The following LSAMP variants were observed in gnomAD, a reference collection of about 807,000 sequenced individuals.
The protein encoded by LSAMP is limbic system associated membrane protein, also known as limbic system-associated membrane protein.
LSAMP carries 7 observed loss-of-function variants against 38.6 expected under a neutral mutation model. That is an observed-to-expected ratio of 0.18 (90% CI 0.10 to 0.34). The LOEUF (loss-of-function observed/expected upper bound fraction) is 0.34. Among genes scored for constraint, LSAMP ranks in the 10% least tolerant of loss-of-function variants. The pLI, the probability that LSAMP is intolerant of heterozygous loss-of-function variation, is 1.00. For missense variants in LSAMP, 313 were observed against 420.0 expected, an observed-to-expected ratio of 0.75 and a Z score of 2.23; for synonymous variants, 154 against 166.8, an observed-to-expected ratio of 0.92 and a Z score of 0.59.
chr3:116,283,566 C>T (rs890715763), intron 1 of LSAMP, among the ~76,000 whole-genome samples: 1 of 152,080 alleles, frequency 6.6e-6, no homozygotes, highest in Non-Finnish European at 1.5e-5. Context: ...TTAGGGCTAG[C>T]TTTGTATTAT....
intron 1 of LSAMP, among the ~76,000 whole-genome samples, chr3:116,435,635 T>G (rs1396192832): frequency 1.3e-5 from 2 of 152,146 alleles, no homozygotes; most frequent in South Asian, 4.1e-4. Context: ...CAGAGCTGGA[T>G]CTATACCCAG....
At chr3:116,431,421 A>C (rs2049280184) in intron 1 of LSAMP, among the ~76,000 whole-genome samples, 1 of 152,022 alleles carries the variant, frequency 6.6e-6, no homozygotes, top group East Asian at 1.9e-4. Flanking sequence ...TTCTTTTCAA[A>C]ATCTATTTAA....
chr3:116,237,805 A>G (rs2046485004), intron 1 of LSAMP, among the ~76,000 whole-genome samples: 3 of 152,198 alleles, frequency 2.0e-5, no homozygotes, highest in Admixed American at 1.3e-4. Flanking sequence ...TAATTCAACA[A>G]CACATTAACT....
chr3:116,414,124 C>T (rs957271720), intron 1 of LSAMP, among the ~76,000 whole-genome samples: 2 of 152,030 alleles, frequency 1.3e-5, no homozygotes, highest in Non-Finnish European at 2.9e-5. Context: ...TGTACACTGT[C>T]AGATCATTAC....
intron 1 of LSAMP, among the ~76,000 whole-genome samples, chr3:116,327,575 A>C (rs2107736967): frequency 1.3e-5 from 2 of 151,958 alleles, no homozygotes; most frequent in Admixed American, 1.3e-4. Context: ...TCACTATATA[A>C]CCTTATTTTC....
Position 116,445,329 on chromosome 3 carries a change from A to G in LSAMP, c.-298T>C, listed in dbSNP as rs970660482. ...GAAGAGCTGAAGAGGAAGCCAAAGG[A>G]AAGGGTTCTTGTTTGGTCTCTCTGT... On this transcript the variant is annotated 5_prime_UTR_variant, in exon 1 of 7. Coordinates refer to ENST00000490035, the MANE Select transcript of LSAMP (RefSeq NM_002338.5). 11 of 563,590 alleles carry G rather than the reference A, an allele frequency of 2.0e-5. No individual in the cohort carries two copies. The East Asian group carries it at 3.2e-4, about 17-fold the overall frequency. 34.9% of individuals were successfully genotyped at this position (563,590 alleles called of 1,614,324 possible).
intron 1 of LSAMP, among the ~76,000 whole-genome samples, chr3:116,184,066 C>T (rs1160729619): frequency 6.6e-6 from 1 of 151,592 alleles, no homozygotes; most frequent in Non-Finnish European, 1.5e-5. Context: ...AAGTTGAACT[C>T]GAGAGAACAG....
intron 1 of LSAMP, among the ~76,000 whole-genome samples, chr3:116,387,455 A>G (rs2048639746): frequency 1.3e-5 from 2 of 152,210 alleles, no homozygotes; most frequent in African/African-American, 4.8e-5. Flanking sequence ...GAGTTTAAGC[A>G]TTCCAGAACC....
At chr3:115,950,657 G>C (rs1185026627) in intron 3 of LSAMP, among the ~76,000 whole-genome samples, 1 of 151,860 alleles carries the variant, frequency 6.6e-6, no homozygotes, top group Non-Finnish European at 1.5e-5. Flanking sequence ...TTGTGAAAAT[G>C]ACCATACTGC....
At chr3:116,115,335 G>T (rs1231868412) in intron 1 of LSAMP, among the ~76,000 whole-genome samples, 3 of 152,176 alleles carry the variant, frequency 2.0e-5, no homozygotes, top group Non-Finnish European at 2.9e-5. Flanking sequence ...ATGTAATGTA[G>T]GTACCCTAAT....
chr3:115,898,059 G>C (rs1936773528), intron 3 of LSAMP, among the ~76,000 whole-genome samples: 1 of 152,126 alleles, frequency 6.6e-6, no homozygotes, highest in Non-Finnish European at 1.5e-5. Context: ...GCTAGGATAA[G>C]CTCAAGAAAG....
intron 2 of LSAMP, among the ~76,000 whole-genome samples, chr3:116,043,785 T>G (rs1218509802): frequency 2.0e-5 from 3 of 151,970 alleles, no homozygotes; most frequent in Non-Finnish European, 2.9e-5. Context: ...CTCTACTAAA[T>G]ATACAAAAAA....
intron 3 of LSAMP, among the ~76,000 whole-genome samples, chr3:115,964,988 T>C (rs1938751110): frequency 6.6e-6 from 1 of 152,118 alleles, no homozygotes; most frequent in Non-Finnish European, 1.5e-5. Context: ...ATTTAATGTG[T>C]GACCTTTTAA....
intron 1 of LSAMP, among the ~76,000 whole-genome samples, chr3:116,215,229 G>A (rs1265839467): frequency 6.6e-6 from 1 of 152,152 alleles, no homozygotes; most frequent in Non-Finnish European, 1.5e-5. Flanking sequence ...ACTGTGAGAT[G>A]CTCTTCAATA....
chr3:116,294,298 T>A (rs960542703), intron 1 of LSAMP, among the ~76,000 whole-genome samples: 1 of 152,168 alleles, frequency 6.6e-6, no homozygotes, highest in Non-Finnish European at 1.5e-5. Context: ...GTTTGGAAAA[T>A]AATATTTCTA....
At chr3:116,110,477 G>C (rs1016783870) in intron 1 of LSAMP, among the ~76,000 whole-genome samples, 34 of 152,274 alleles carry the variant, frequency 2.2e-4, no homozygotes, top group African/African-American at 7.5e-4. Context: ...GTCTGTGACC[G>C]GCGCCGGAGT....
At chr3:115,955,717 G>T (rs1158144494) in intron 3 of LSAMP, among the ~76,000 whole-genome samples, 1 of 152,186 alleles carries the variant, frequency 6.6e-6, no homozygotes, top group Non-Finnish European at 1.5e-5. Flanking sequence ...TTAATAGACA[G>T]CAGCAAAAGA....
At chr3:116,091,006 TC>T (rs1448094243) in intron 1 of LSAMP, among the ~76,000 whole-genome samples, 1 of 152,134 alleles carries the variant, frequency 6.6e-6, no homozygotes, top group Non-Finnish European at 1.5e-5. Flanking sequence ...GGTGGGAATT[TC>T]CTCTTCCTAA....
chr3:116,331,166 C>A (rs2047847214), intron 1 of LSAMP, among the ~76,000 whole-genome samples: 1 of 152,022 alleles, frequency 6.6e-6, no homozygotes, highest in Non-Finnish European at 1.5e-5. Flanking sequence ...AAAGGAGAAT[C>A]TCTGAAGTTG....
Sources: allele counts gnomAD v4.1 joint callset (sites outside exome capture counted in the v4.1 genomes callset), GRCh38; gene constraint gnomAD v4.1.1; transcripts MANE v1.5; gene names NCBI Gene and HGNC (gene_info 2026-07-23, HGNC 2026-07-21).